TNS1: variants seen among roughly 807,000 people sequenced by gnomAD.
TNS1 encodes tensin 1, also known as tensin-1.
In TNS1, 62 loss-of-function variants were observed where a neutral mutation model predicts 168.6. That is an observed-to-expected ratio of 0.37 (90% CI 0.30 to 0.45). TNS1 has a LOEUF of 0.45. Among genes scored for constraint, TNS1 ranks in the 20% least tolerant of loss-of-function variants. The pLI is 1.00. For missense variants in TNS1, 2,240 were observed against 2,339.4 expected (o/e 0.96, Z 0.88); for synonymous variants, 934 against 933.2 (o/e 1.00, Z -0.02).
intron 3 of TNS1, among the ~76,000 whole-genome samples, chr2:217,952,105 G>C (rs558929571): frequency 1.7e-4 from 26 of 152,198 alleles, no homozygotes; most frequent in Non-Finnish European, 3.2e-4. Context: ...CACAAATCGT[G>C]CTGAGTGACC....
intron 4 of TNS1, among the ~76,000 whole-genome samples, chr2:217,909,189 G>T: frequency 6.7e-6 from 1 of 150,048 alleles, no homozygotes; most frequent in East Asian, 2.0e-4. Context: ...TCATTCCCAC[G>T]TGGAGACCTG....
At chr2:217,976,833 A>G (rs1351857940) in intron 3 of TNS1, among the ~76,000 whole-genome samples, 2 of 152,174 alleles carry the variant, frequency 1.3e-5, no homozygotes, top group Non-Finnish European at 2.9e-5. Context: ...TGCTGTCAAG[A>G]GATGGAAAGC....
chr2:217,958,399 C>T (rs1957416983), intron 3 of TNS1, among the ~76,000 whole-genome samples: 1 of 152,196 alleles, frequency 6.6e-6, no homozygotes, highest in South Asian at 2.1e-4. Context: ...TCGTCTGCAT[C>T]CTGAGCATGC....
At chr2:217,854,852 G>A (rs1429303990) in intron 18 of TNS1, among the ~76,000 whole-genome samples, 1 of 152,194 alleles carries the variant, frequency 6.6e-6, no homozygotes, top group East Asian at 1.9e-4. Flanking sequence ...AGACAGGGAA[G>A]TGCGCCTTCC....
intron 3 of TNS1, among the ~76,000 whole-genome samples, chr2:217,965,665 G>C (rs1007398390): frequency 3.3e-5 from 5 of 152,170 alleles, no homozygotes; most frequent in African/African-American, 1.2e-4. Flanking sequence ...GCCCCAGGAG[G>C]CAAGGAGCTG....
intron 22 of TNS1, among the ~76,000 whole-genome samples, chr2:217,829,042 G>A (rs1336253513): frequency 3.3e-5 from 5 of 152,128 alleles, no homozygotes; most frequent in Admixed American, 3.3e-4. Flanking sequence ...CAGGGACACT[G>A]CTAATCCTCC....
intron 1 of TNS1, among the ~76,000 whole-genome samples, chr2:218,021,110 C>T (rs1304115463): frequency 1.3e-5 from 2 of 152,240 alleles, no homozygotes; most frequent in Admixed American, 1.3e-4. Flanking sequence ...CCGCTGACCC[C>T]AGCCCCTTGC....
intron 19 of TNS1, 30 bp from the exon 20 acceptor site, chr2:217,836,241 T>A: frequency 6.3e-7 from 1 of 1,576,918 alleles, no homozygotes; most frequent in Non-Finnish European, 8.6e-7. Context: ...TAGAGGACAA[T>A]GAGCATTTTT....
intron 3 of TNS1, among the ~76,000 whole-genome samples, chr2:217,954,393 T>C (rs898397833): frequency 2.9e-4 from 44 of 152,304 alleles, no homozygotes; most frequent in African/African-American, 1.0e-3. Flanking sequence ...CTGATGATGA[T>C]GGTGATGGCG....
chr2:217,892,674 C>T (rs1001414680), intron 11 of TNS1, among the ~76,000 whole-genome samples: 9 of 152,148 alleles, frequency 5.9e-5, no homozygotes, highest in African/African-American at 1.7e-4. Flanking sequence ...AAAGTGGCTC[C>T]GAGGAGCTGG....
intron 20 of TNS1, among the ~76,000 whole-genome samples, chr2:217,835,439 A>G (rs993186456): frequency 7.9e-5 from 12 of 152,182 alleles, no homozygotes; most frequent in African/African-American, 2.7e-4. Flanking sequence ...GACCACCTAC[A>G]TCTGAATCTT....
chr2:217,937,418 A>T (rs886868102), intron 3 of TNS1, among the ~76,000 whole-genome samples: 8 of 152,026 alleles, frequency 5.3e-5, no homozygotes, highest in South Asian at 2.1e-4. Context: ...GCCACCCCCA[A>T]ATCATAGCCC....
At chr2:217,892,295 T>G (rs1221264430) in intron 11 of TNS1, among the ~76,000 whole-genome samples, 2 of 152,008 alleles carry the variant, frequency 1.3e-5, no homozygotes, top group South Asian at 2.1e-4. Flanking sequence ...AGAGACGGAG[T>G]TTCACCATGT....
At position 217,806,074 on chromosome 2, in the gene TNS1, TG is replaced by T. The variant is rs1938998831; in HGVS notation, c.5376-1472del. On this transcript the variant is annotated intron_variant, in intron 32 of 32. Transcript: ENST00000682258. ...AGCTGGCTCAGACCATGAGCAGGGGTGGGGGTGATCCTGGCAGAGGGAGGAA... is the reference window on the plus strand; with the variant it reads ...AGCTGGCTCAGACCATGAGCAGGGGTGGGGTGATCCTGGCAGAGGGAGGAA... Among the ~76,000 whole-genome samples, 3 of 151,796 alleles carry T rather than the reference TG, an allele frequency of 2.0e-5. No individual in the cohort carries two copies. In the South Asian group the frequency reaches 6.3e-4, roughly 32 times the overall value.
At chr2:217,881,166 A>C in intron 17 of TNS1, 152 bp from the exon 18 acceptor site, 2 of 616,548 alleles carry the variant, frequency 3.2e-6, no homozygotes, top group Non-Finnish European at 5.8e-6. Flanking sequence ...GGGCGGGACC[A>C]GTGGCTTAAG....
chr2:217,904,970 A>G (rs1381113781), intron 6 of TNS1, among the ~76,000 whole-genome samples: 3 of 152,224 alleles, frequency 2.0e-5, no homozygotes, highest in Admixed American at 6.5e-5. Context: ...ATGGAGTGGC[A>G]TTCACCAAAT....
At chr2:217,906,155 C>G (rs1260133210) in intron 6 of TNS1, among the ~76,000 whole-genome samples, 180 bp downstream of exon 6, 1 of 152,210 alleles carries the variant, frequency 6.6e-6, no homozygotes, top group Admixed American at 6.5e-5. Context: ...TAGATGGAGG[C>G]AGCACCAAAG....
At position 217,854,686 on chromosome 2, in the gene TNS1, A is replaced by C. The variant is rs923215616; in HGVS notation, c.1430-5599T>G. 2.6e-5 allele frequency among the ~76,000 whole-genome samples: 4 copies of C among 152,198 alleles called. No homozygotes were observed. In the East Asian group the frequency reaches 7.7e-4, roughly 29 times the overall value. The stretch of plus-strand genomic sequence containing the variant: ...TGATGAGAAGTGAAGCTTGGCCAAG[A>C]GCCTGCCCAGAGAGCAAGTTCTGGT... On this transcript the variant is annotated intron_variant, in intron 18 of 32. Coordinates refer to ENST00000682258, the MANE Select transcript of TNS1 (RefSeq NM_001387777.1).
chr2:217,994,768 G>T (rs1024863989), intron 1 of TNS1, among the ~76,000 whole-genome samples: 4 of 152,262 alleles, frequency 2.6e-5, no homozygotes, highest in African/African-American at 4.8e-5. Flanking sequence ...GGAGGGCAGG[G>T]ACAGGGCTTC....
Sources: allele counts gnomAD v4.1 joint callset (sites outside exome capture counted in the v4.1 genomes callset), GRCh38; gene constraint gnomAD v4.1.1; transcripts MANE v1.5; gene names NCBI Gene and HGNC (gene_info 2026-07-23, HGNC 2026-07-21).